C10orf90: variants seen among roughly 807,000 people sequenced by gnomAD.
C10orf90 encodes chromosome 10 open reading frame 90.
In C10orf90, 56 loss-of-function variants were observed where a neutral mutation model predicts 62.5. The observed-to-expected ratio is 0.90, with a 90% CI of 0.72 to 1.12. The LOEUF is 1.12. C10orf90 is among the 50% of genes most tolerant of loss of function. C10orf90 has a pLI of 0.00. For missense variants in C10orf90, 970 were observed against 880.4 expected (o/e 1.10, Z -1.29); for synonymous variants, 386 against 340.4 (o/e 1.13, Z -1.47).
intron 6 of C10orf90, among the ~76,000 whole-genome samples, chr10:126,460,730 G>C (rs1590945487): frequency 6.6e-6 from 1 of 152,050 alleles, no homozygotes; most frequent in Admixed American, 6.6e-5. Context: ...AGGCCCCCTG[G>C]GTACAGGAGC....
At chr10:126,603,202 G>T (rs931334979) in intron 2 of C10orf90, among the ~76,000 whole-genome samples, 3 of 152,160 alleles carry the variant, frequency 2.0e-5, no homozygotes, top group African/African-American at 7.2e-5. Context: ...ATAGTAAGAG[G>T]TTTAATTGAC....
At chr10:126,549,230 A>T (rs578205539) in intron 2 of C10orf90, among the ~76,000 whole-genome samples, 2 of 152,238 alleles carry the variant, frequency 1.3e-5, no homozygotes, top group Non-Finnish European at 2.9e-5. Context: ...GACAAGTCAC[A>T]GAGTGAGAGA....
chr10:126,472,609 TC>T (rs1327389199), intron 4 of C10orf90, among the ~76,000 whole-genome samples: 2 of 152,066 alleles, frequency 1.3e-5, no homozygotes, highest in African/African-American at 4.8e-5. Context: ...TCATGTCTCC[TC>T]CCATTCTTGC....
intron 2 of C10orf90, among the ~76,000 whole-genome samples, chr10:126,529,400 C>G (rs1275210423): frequency 6.6e-6 from 1 of 152,016 alleles, no homozygotes; most frequent in Non-Finnish European, 1.5e-5. Flanking sequence ...AATTTCTGAT[C>G]ATCAAAAGAT....
At chr10:126,514,828 T>A (rs1488837793) in intron 2 of C10orf90, among the ~76,000 whole-genome samples, 1 of 151,534 alleles carries the variant, frequency 6.6e-6, no homozygotes, top group Non-Finnish European at 1.5e-5. Flanking sequence ...AGGTCGCTAA[T>A]GTAGAAACGT....
At chr10:126,446,343 G>A (rs1440895507) in intron 7 of C10orf90, among the ~76,000 whole-genome samples, 2 of 151,882 alleles carry the variant, frequency 1.3e-5, no homozygotes, top group Admixed American at 1.3e-4. Flanking sequence ...TAATCAAACT[G>A]TCACAAATCA....
chr10:126,436,305 A>C (rs1333358550), intron 7 of C10orf90, among the ~76,000 whole-genome samples: 1 of 152,234 alleles, frequency 6.6e-6, no homozygotes, highest in East Asian at 1.9e-4. Context: ...TTCTGCAATG[A>C]GCACATTGTT....
intron 2 of C10orf90, among the ~76,000 whole-genome samples, chr10:126,570,529 C>G (rs2134003136): frequency 6.6e-6 from 1 of 152,276 alleles, no homozygotes; most frequent in Non-Finnish European, 1.5e-5. Flanking sequence ...TTAGACCCTA[C>G]AGGGTTCGTA....
intron 3 of C10orf90, among the ~76,000 whole-genome samples, chr10:126,512,871 C>A (rs1349631097): frequency 6.6e-6 from 1 of 152,166 alleles, no homozygotes; most frequent in Non-Finnish European, 1.5e-5. Context: ...CTTTCTCCAT[C>A]TTGTGGGATT....
In C10orf90 at chr10:126,491,137, A is replaced by G. The variant is rs556263789; in HGVS notation, c.1534+12820T>C. Among the ~76,000 whole-genome samples the G allele has an allele frequency of 3.9e-5, 6 of 152,370 alleles. No individual in the cohort carries two copies. In the South Asian group the frequency reaches 1.2e-3, roughly 32 times the overall value. On this transcript the variant is annotated intron_variant, in intron 4 of 9. Coordinates refer to ENST00000488181, the MANE Select transcript of C10orf90 (RefSeq NM_001350921.2). ...AAATATGTAAATGATCTCTATAATG[A>G]AAACTACAAGACTTTGCTGATAGAA...
At chr10:126,627,000 C>CTTTTTTTTTTTTTTTTT (rs61226052) in intron 2 of C10orf90, among the ~76,000 whole-genome samples, 7 of 119,498 alleles carry the variant, frequency 5.9e-5, no homozygotes, top group Admixed American at 9.1e-5. Flanking sequence ...TTTTTCTTTT[C>CTTTTTTTTTTTTTTTTT]TTTTTTTTTT....
At chr10:126,465,952 T>G (rs1860259165) in intron 4 of C10orf90, among the ~76,000 whole-genome samples, 1 of 152,210 alleles carries the variant, frequency 6.6e-6, no homozygotes, top group East Asian at 1.9e-4. Flanking sequence ...TGTGGGAGAC[T>G]GTTGTCTCAG....
chr10:126,432,026 C>T (rs530122994), intron 7 of C10orf90, among the ~76,000 whole-genome samples: 1 of 152,316 alleles, frequency 6.6e-6, no homozygotes, highest in South Asian at 2.1e-4. Flanking sequence ...TGCTGGTGAC[C>T]TCAACCCATA....
At chr10:126,556,311 G>A (rs558153680) in intron 2 of C10orf90, among the ~76,000 whole-genome samples, 1 of 152,296 alleles carries the variant, frequency 6.6e-6, no homozygotes, top group East Asian at 1.9e-4. Context: ...GATGGGAGGA[G>A]AGCTGAGTGG....
At chr10:126,538,733 G>A (rs1346116680) in intron 2 of C10orf90, among the ~76,000 whole-genome samples, 1 of 152,156 alleles carries the variant, frequency 6.6e-6, no homozygotes, top group East Asian at 1.9e-4. Flanking sequence ...CAAAGTGAAG[G>A]AACTAGAATT....
At chr10:126,636,839 C>T (rs1423273372) in intron 2 of C10orf90, among the ~76,000 whole-genome samples, 1 of 152,130 alleles carries the variant, frequency 6.6e-6, no homozygotes, top group African/African-American at 2.4e-5. Context: ...TCTCTCCATG[C>T]CTTATTAACA....
intron 2 of C10orf90, among the ~76,000 whole-genome samples, chr10:126,566,291 A>C (rs1380016645): frequency 6.6e-6 from 1 of 152,238 alleles, no homozygotes; most frequent in Non-Finnish European, 1.5e-5. Flanking sequence ...TTAGTTTTCA[A>C]AGTAAGCGAA....
chr10:126,495,306 C>T (rs2133852458), intron 4 of C10orf90, among the ~76,000 whole-genome samples: 1 of 152,248 alleles, frequency 6.6e-6, no homozygotes, highest in East Asian at 1.9e-4. Flanking sequence ...GGTGGATCAC[C>T]TGAAGCCAGG....
chr10:126,627,286 C>G (rs757723421), intron 2 of C10orf90, among the ~76,000 whole-genome samples: 11 of 152,170 alleles, frequency 7.2e-5, no homozygotes, highest in Non-Finnish European at 1.6e-4. Context: ...AGGCATGAGC[C>G]ACTGCACCTG....
Sources: gnomAD v4.1 joint callset for allele counts (sites outside exome capture counted in the v4.1 genomes callset) on GRCh38, gnomAD v4.1.1 for gene constraint, MANE v1.5 for transcripts, NCBI Gene and HGNC (gene_info 2026-07-23, HGNC 2026-07-21) for gene names.